TYW1B: variants seen among roughly 807,000 people sequenced by gnomAD.
TYW1B encodes the protein S-adenosyl-L-methionine-dependent tRNA 4-demethylwyosine synthase TYW1B.
In TYW1B, 73 loss-of-function variants were observed where a neutral mutation model predicts 86.9. That is an observed-to-expected ratio of 0.84 (90% CI 0.70 to 1.02). TYW1B has a LOEUF of 1.02. Ranked by LOEUF, TYW1B falls within the 50% of genes least tolerant of loss-of-function variation. TYW1B has a pLI of 0.00. For missense variants in TYW1B, 637 were observed against 827.4 expected (o/e 0.77, Z 2.82); for synonymous variants, 248 against 292.8 (o/e 0.85, Z 1.56).
At chr7:72,656,467 G>A (rs1329251685) in intron 11 of TYW1B, among the ~76,000 whole-genome samples, 1 of 152,114 alleles carries the variant, frequency 6.6e-6, no homozygotes, top group Non-Finnish European at 1.5e-5. Flanking sequence ...ACTTAGCCGG[G>A]CTCAGTGGCT....
intron 11 of TYW1B, among the ~76,000 whole-genome samples, chr7:72,674,759 C>T (rs1353208238): frequency 3.0e-4 from 40 of 134,130 alleles, no homozygotes; most frequent in African/African-American, 8.6e-4. Context: ...CCTTTTCTCT[C>T]TTTTTTTTTT....
intron 2 of TYW1B, among the ~76,000 whole-genome samples, chr7:72,817,848 T>C (rs1261759077): frequency 1.3e-5 from 2 of 152,032 alleles, no homozygotes; most frequent in African/African-American, 2.4e-5. Context: ...CCTATGCAAA[T>C]GAAGAATTGG....
rs145435287 is a variant in TYW1B, at chr7:72,650,523, T to C, written c.1507-21526A>G. On this transcript the variant is annotated intron_variant, in intron 11 of 13. Coordinates refer to ENST00000620995, the MANE Select transcript of TYW1B (RefSeq NM_001145440.3). ...CCATGCAAAATCCTTCTTTATCTAA[T>C]GTGCATTATTTACTAAATAATATAT... Among the ~76,000 whole-genome samples the C allele has an allele frequency of 4.1e-3, 624 of 152,294 alleles. 5 individuals are homozygous for C. The highest frequency in any genetic ancestry group is 0.014 in the African/African-American group (593 of 41,564).
At chr7:72,812,444 T>C (rs1270445131) in intron 3 of TYW1B, among the ~76,000 whole-genome samples, 1 of 152,144 alleles carries the variant, frequency 6.6e-6, no homozygotes, top group Non-Finnish European at 1.5e-5. Flanking sequence ...TTAGTCTTGA[T>C]AGCCTGGTGT....
At chr7:72,683,401 C>T (rs35496494) in intron 11 of TYW1B, among the ~76,000 whole-genome samples, 1 of 152,124 alleles carries the variant, frequency 6.6e-6, no homozygotes, top group Non-Finnish European at 1.5e-5. Context: ...AAAACCCCGT[C>T]TCTAGTAAAA....
chr7:72,797,155 A>T (rs1266679683), intron 6 of TYW1B, among the ~76,000 whole-genome samples: 1 of 152,116 alleles, frequency 6.6e-6, no homozygotes, highest in Non-Finnish European at 1.5e-5. Context: ...GCTTCAAAAA[A>T]CCTTGGCATT....
At chr7:72,632,389 T>TATATATATATAAAATATATAC (rs1563038713) in intron 11 of TYW1B, among the ~76,000 whole-genome samples, 33 of 92,190 alleles carry the variant, frequency 3.6e-4, no homozygotes, top group African/African-American at 8.2e-4. Context: ...TATATATACG[T>TATATATATATAAAATATATAC]ATATATATAT....
chr7:72,611,849 T>C (rs1161586517), intron 13 of TYW1B, among the ~76,000 whole-genome samples: 2 of 152,200 alleles, frequency 1.3e-5, no homozygotes, highest in Non-Finnish European at 2.9e-5. Context: ...TTTGCACTGA[T>C]CACACTGATT....
intron 6 of TYW1B, among the ~76,000 whole-genome samples, chr7:72,800,601 GCAAGGGTCTTTGTCTCAT>G (rs1284784485): frequency 6.6e-6 from 1 of 151,014 alleles, no homozygotes; most frequent in Non-Finnish European, 1.5e-5. Flanking sequence ...TTATTCTGTT[GCAAGGGTCTTTGTCTCAT>G]CATGAGCCAG....
At chr7:72,635,121 C>G (rs1463506100) in intron 11 of TYW1B, among the ~76,000 whole-genome samples, 1 of 152,198 alleles carries the variant, frequency 6.6e-6, no homozygotes. Context: ...TATTGCCACT[C>G]ACATTTGTGT....
Position 72,659,305 on chromosome 7 carries a change from G to A in TYW1B, c.1507-30308C>T, listed in dbSNP as rs528081600. On this transcript the variant is annotated intron_variant, in intron 11 of 13. Coordinates refer to ENST00000620995, the MANE Select transcript of TYW1B (RefSeq NM_001145440.3). ...AAAAAACTGATGAATATGGCAGGGC[G>A]TGGTGGCTCACGCCTGCAATCCCAG... Among the ~76,000 whole-genome samples, 31 of 152,330 alleles carry A rather than the reference G, an allele frequency of 2.0e-4. No homozygotes were observed. In the East Asian group the frequency reaches 3.7e-3, roughly 18 times the overall value.
chr7:72,632,376 T>TTATATATATATGTATATATATATAA (rs559879811), intron 11 of TYW1B, among the ~76,000 whole-genome samples: 4 of 96,246 alleles, frequency 4.2e-5, no homozygotes, highest in Non-Finnish European at 7.6e-5. Flanking sequence ...CGCATATATA[T>TTATATATATATGTATATATATATAA]TATATATATA....
chr7:72,653,749 T>C (rs1813122738), intron 11 of TYW1B, among the ~76,000 whole-genome samples: 1 of 151,684 alleles, frequency 6.6e-6, no homozygotes, highest in Non-Finnish European at 1.5e-5. Flanking sequence ...CAATTGACAA[T>C]GAAAAGCATT....
At chr7:72,700,926 G>A (rs1814451063) in intron 10 of TYW1B, among the ~76,000 whole-genome samples, 1 of 152,020 alleles carries the variant, frequency 6.6e-6, no homozygotes, top group Non-Finnish European at 1.5e-5. Flanking sequence ...AATTAGCCAG[G>A]AGTGCCACAT....
chr7:72,728,982 G>T, intron 8 of TYW1B, 51 bp from the exon 9 acceptor site: 1 of 1,534,646 alleles, frequency 6.5e-7, no homozygotes, highest in Non-Finnish European at 8.9e-7. Flanking sequence ...TAAGATCTGG[G>T]CTAGTCATTT....
intron 11 of TYW1B, among the ~76,000 whole-genome samples, chr7:72,653,610 A>AATAATAAT (rs1813117929): frequency 5.3e-5 from 8 of 150,614 alleles, no homozygotes; most frequent in African/African-American, 9.8e-5. Context: ...CCGTCTCAAA[A>AATAATAAT]AATAATAATA....
chr7:72,716,784 A>G (rs3132427), intron 9 of TYW1B, among the ~76,000 whole-genome samples: 119,879 of 150,344 alleles, frequency 0.8, 48,255 homozygotes, highest in Middle Eastern at 0.87. Context: ...GACTACAGGC[A>G]CACACCACCA....
At chr7:72,803,298 T>C (rs1407305878) in intron 5 of TYW1B, among the ~76,000 whole-genome samples, 3 of 151,980 alleles carry the variant, frequency 2.0e-5, no homozygotes, top group Non-Finnish European at 4.4e-5. Flanking sequence ...TGGGAACAAC[T>C]AACACTTCAC....
chr7:72,628,336 C>A (rs1554439233), intron 12 of TYW1B, among the ~76,000 whole-genome samples: 2 of 151,978 alleles, frequency 1.3e-5, no homozygotes, highest in African/African-American at 4.8e-5. Flanking sequence ...GAGTAGAAAT[C>A]TTTTAGGAAT....
Sources: gnomAD v4.1 joint callset for allele counts (sites outside exome capture counted in the v4.1 genomes callset) on GRCh38, gnomAD v4.1.1 for gene constraint, MANE v1.5 for transcripts, NCBI Gene and HGNC (gene_info 2026-07-23, HGNC 2026-07-21) for gene names.